SBNO1: variants seen among roughly 807,000 people sequenced by gnomAD.
SBNO1 encodes the protein strawberry notch homolog 1.
In SBNO1, 23 loss-of-function variants were observed where a neutral mutation model predicts 173.6. The observed-to-expected ratio is 0.13, with a 90% CI of 0.10 to 0.19. SBNO1 has a LOEUF of 0.19. Ranked by LOEUF, SBNO1 falls within the 10% of genes least tolerant of loss-of-function variation. SBNO1 has a pLI of 1.00. For synonymous variants in SBNO1, 632 were observed against 571.5 expected, an observed-to-expected ratio of 1.11 and a Z score of -1.51; for missense variants, 1,238 against 1,671.2, an observed-to-expected ratio of 0.74 and a Z score of 4.52.
At chr12:123,327,376 C>T in intron 13 of SBNO1, 50 bp downstream of exon 13, 1 of 1,503,358 alleles carries the variant, frequency 6.7e-7, no homozygotes, top group Non-Finnish European at 9.1e-7. Context: ...CTAACAGAAA[C>T]ATTATCAGAT....
In SBNO1 at chr12:123,345,485, G is replaced by A. The variant is rs912390245; in HGVS notation, c.323C>T (p.Thr108Ile). 3.1e-6 allele frequency: 5 copies of A among 1,613,904 alleles called. No homozygotes were observed. The highest frequency in any genetic ancestry group is 4.2e-6 in the Non-Finnish European group (5 of 1,179,912). ...PLGSTIVMTK[T>I]PPVTTNRQTI... ...TTGCCTGTTGGTTGTTACAGGTGGT[G>A]TTTTAGTCATTACAATTGTAGATCC... is the stretch of plus-strand genomic sequence containing the variant. The change falls in exon 4 of 32, where the codon ACA becomes ATA. Residue 108 changes from threonine to isoleucine, a missense_variant. By Grantham distance (89) the Thr-to-Ile change is moderately conservative. This residue lies in a region of SBNO1 where 287 missense variants were observed against 274.1 expected (regional missense o/e 1.05). Transcript: ENST00000602398.
chr12:123,330,429 G>C lies in SBNO1; in HGVS notation c.1124C>G (p.Ser375Trp). The C allele has an allele frequency of 3.8e-6, 6 of 1,573,884 alleles. No homozygotes were observed. The highest frequency in any genetic ancestry group is 5.2e-6 in the Non-Finnish European group (6 of 1,149,300). Reference sequence around the variant, plus strand: ...AAAAAGATTTCATACCTTATTTAACGAATGAACCAAAATGTTTTTTGCTCC... The same window carrying C: ...AAAAAGATTTCATACCTTATTTAACCAATGAACCAAAATGTTTTTTGCTCC... ...DIGAKNILVHSLNKFKYGKIS... is the reference protein window; with the variant it reads ...DIGAKNILVHWLNKFKYGKIS... Residue 375 changes from serine to tryptophan, a missense_variant, in exon 9 of 32, where the codon TCG (serine) becomes TGG (tryptophan). By Grantham distance (177) the Ser-to-Trp change is radical. Transcript: ENST00000602398.
chr12:123,310,041 G>A (rs1030604613), intron 25 of SBNO1, among the ~76,000 whole-genome samples, 185 bp from the exon 26 acceptor site: 10 of 152,114 alleles, frequency 6.6e-5, no homozygotes, highest in Non-Finnish European at 1.3e-4. Context: ...TGCAGGACAC[G>A]CTCAAAAGAG....
chr12:123,314,514 G>A (rs1869033309), intron 23 of SBNO1, among the ~76,000 whole-genome samples: 1 of 151,752 alleles, frequency 6.6e-6, no homozygotes, highest in African/African-American at 2.4e-5. Flanking sequence ...ATTTTTAGTA[G>A]AGACAGGGTT....
intron 23 of SBNO1, among the ~76,000 whole-genome samples, chr12:123,314,685 TG>T (rs1869060218): frequency 6.6e-6 from 1 of 152,080 alleles, no homozygotes; most frequent in African/African-American, 2.4e-5. Context: ...TTGCCCAGGC[TG>T]GAGTGCAGTG....
At chr12:123,327,151 C>T (rs1417649053) in intron 13 of SBNO1, among the ~76,000 whole-genome samples, 3 of 152,010 alleles carry the variant, frequency 2.0e-5, no homozygotes, top group South Asian at 2.1e-4. Flanking sequence ...GCACTACAGG[C>T]GCACACCACC....
Position 123,311,086 on chromosome 12 carries a change from T to A in SBNO1, c.3264A>T (p.Glu1088Asp). The change falls in exon 25 of 32, where the codon GAA becomes GAT. Residue 1088 changes from glutamate to aspartate, a missense_variant. By Grantham distance (45) the Glu-to-Asp change is conservative. Coordinates refer to ENST00000602398, the MANE Select transcript of SBNO1 (RefSeq NM_001167856.3). ...CGAGAGTAAGAATTCCCGAGCGATC[T>A]TCTACATTTATCAGGCCAACGCCTA... The part of the protein sequence containing the change: ...GLIGVGLINV[E>D]DRSGILTLDK... 2 of 1,613,742 alleles carry A rather than the reference T, an allele frequency of 1.2e-6. No homozygotes were observed. The highest frequency in any genetic ancestry group is 1.7e-6 in the Non-Finnish European group (2 of 1,179,662).
rs1272631865 is a variant in SBNO1 at position 123,364,621 on chromosome 12, A to T, written c.-1+80T>A. On this transcript the variant is annotated intron_variant, in intron 1 of 31. Transcript: ENST00000602398. Reference sequence around the variant, plus strand: ...GGCTGTCCCCCCAGCCTGGCCCCGCACGGCCCCCCGAGGGTGGGAGTGGGA... The same window carrying T: ...GGCTGTCCCCCCAGCCTGGCCCCGCTCGGCCCCCCGAGGGTGGGAGTGGGA... 8.2e-6 allele frequency: 7 copies of T among 857,634 alleles called. No individual in the cohort carries two copies. The African/African-American group carries it at 2.3e-4, about 28-fold the overall frequency. The allele number at this position is 857,634 out of a possible 1,614,324, so 53.1% of individuals were successfully genotyped here.
At chr12:123,362,025 G>T (rs1404671321) in intron 1 of SBNO1, among the ~76,000 whole-genome samples, 1 of 151,896 alleles carries the variant, frequency 6.6e-6, no homozygotes, top group Admixed American at 6.6e-5. Flanking sequence ...TGTAGTCCCA[G>T]CTATTTGGGA....
chr12:123,324,070 T>C (rs1345136444), intron 15 of SBNO1, among the ~76,000 whole-genome samples: 1 of 152,102 alleles, frequency 6.6e-6, no homozygotes, highest in Non-Finnish European at 1.5e-5. Flanking sequence ...AAAAAATAAA[T>C]AAAACTGGTG....
chr12:123,306,296 T>C (rs2048911468), intron 28 of SBNO1, among the ~76,000 whole-genome samples: 2 of 152,198 alleles, frequency 1.3e-5, no homozygotes, highest in Admixed American at 1.3e-4. Context: ...CAGTGGAAAG[T>C]GATTCTGACA....
intron 28 of SBNO1, among the ~76,000 whole-genome samples, chr12:123,308,976 C>T (rs911743884): frequency 2.0e-5 from 3 of 151,836 alleles, no homozygotes; most frequent in African/African-American, 7.3e-5. Flanking sequence ...GTGGCACATG[C>T]TTGTAATCTC....
At chr12:123,352,888 T>C (rs1874047617) in intron 1 of SBNO1, among the ~76,000 whole-genome samples, 2 of 152,068 alleles carry the variant, frequency 1.3e-5, no homozygotes, top group Non-Finnish European at 2.9e-5. Context: ...ACCTCCGCCT[T>C]CCAGGTTCAA....
rs1176427347 is a variant in SBNO1, at chr12:123,311,558, T to A, written c.3221-429A>T. ...TTAGTAGAGTCGGGGTTTCGCCATG[T>A]TGGCCAGGCTGGTCTCAAACTCCTA... On this transcript the variant is annotated intron_variant, in intron 24 of 31. Transcript: ENST00000602398. 3.9e-5 allele frequency among the ~76,000 whole-genome samples: 6 copies of A among 152,098 alleles called. No homozygotes were observed. In the East Asian group the frequency reaches 1.2e-3, roughly 29 times the overall value.
chr12:123,319,813 T>C (rs1869744724), intron 20 of SBNO1, 87 bp downstream of exon 20: 12 of 1,141,224 alleles, frequency 1.1e-5, no homozygotes, highest in African/African-American at 4.6e-5. Flanking sequence ...ACATGACTTA[T>C]ATTAAAAGGA....
intron 1 of SBNO1, chr12:123,364,154 C>T (rs1050051357): frequency 1.0e-6 from 1 of 985,434 alleles, no homozygotes; most frequent in African/African-American, 1.7e-5. Flanking sequence ...CCCCACCGCC[C>T]CAAGAGCGGG....
At chr12:123,326,395 C>T (rs1566037564) in intron 13 of SBNO1, 61 bp from the exon 14 acceptor site, 8 of 1,090,150 alleles carry the variant, frequency 7.3e-6, no homozygotes, top group Middle Eastern at 2.1e-4. Flanking sequence ...TTTAAAAATA[C>T]CAATTAAATC....
At chr12:123,312,743 G>A (rs1263726509) in intron 24 of SBNO1, among the ~76,000 whole-genome samples, 1 of 149,402 alleles carries the variant, frequency 6.7e-6, no homozygotes, top group African/African-American at 2.5e-5. Flanking sequence ...CCAAATACAC[G>A]AAAGAAAAAA....
At chr12:123,297,536 T>C (rs1238315323) in intron 31 of SBNO1, among the ~76,000 whole-genome samples, 1 of 152,044 alleles carries the variant, frequency 6.6e-6, no homozygotes, top group Non-Finnish European at 1.5e-5. Flanking sequence ...CCCTGCTTCC[T>C]GGACACCTGT....
Sources: gnomAD v4.1 joint callset for allele counts (sites outside exome capture counted in the v4.1 genomes callset) on GRCh38, gnomAD v4.1.1 for gene constraint, gnomAD v4.1.1 regional missense constraint, MANE v1.5 for transcripts, NCBI Gene and HGNC (gene_info 2026-07-23, HGNC 2026-07-21) for gene names.